The following PSMD1 variants were observed in gnomAD, a reference collection of about 807,000 sequenced individuals.
PSMD1 encodes the protein 26S proteasome non-ATPase regulatory subunit 1.
PSMD1 carries 18 observed loss-of-function variants against 119.0 expected under a neutral mutation model. The observed-to-expected ratio is 0.15, with a 90% confidence interval of 0.10 to 0.22. PSMD1 has a LOEUF of 0.22. PSMD1 is among the 10% of genes least tolerant of loss of function. The pLI is 1.00. For synonymous variants in PSMD1, 374 were observed against 396.6 expected (o/e 0.94, Z 0.68); for missense variants, 702 against 1,158.5 (o/e 0.61, Z 5.72).
At position 231,145,935 on chromosome 2, in the gene PSMD1, A is replaced by G. The variant is rs542945364; in HGVS notation, c.1999-305A>G. On this transcript the variant is annotated intron_variant, in intron 17 of 24. Coordinates refer to ENST00000308696, the MANE Select transcript of PSMD1 (RefSeq NM_002807.4). ...AAAAAAAAAAAAATTGTACCATTGTACAAAAATATTTTTTCTTTATGTTCT... is the reference window on the plus strand; with the variant it reads ...AAAAAAAAAAAAATTGTACCATTGTGCAAAAATATTTTTTCTTTATGTTCT... Among the ~76,000 whole-genome samples the G allele has an allele frequency of 1.3e-3, 192 of 150,064 alleles. 1 individual carries two copies. Among genetic ancestry groups the G allele is most frequent in the African/African-American group, 4.4e-3 (179 of 40,940 alleles).
chr2:231,094,117 T>C (rs1694667525), intron 16 of PSMD1, among the ~76,000 whole-genome samples: 1 of 152,126 alleles, frequency 6.6e-6, no homozygotes, highest in Non-Finnish European at 1.5e-5. Context: ...TCTAGTCCTC[T>C]AGGGTTAACA....
intron 15 of PSMD1, among the ~76,000 whole-genome samples, chr2:231,085,595 G>A (rs1439477374): frequency 6.6e-6 from 1 of 152,270 alleles, no homozygotes. Flanking sequence ...CCGCACTCTA[G>A]CCTGTGCGAC....
In PSMD1 at chr2:231,170,554, CTG is replaced by C; in HGVS notation, c.2716-8_2716-7del. On this transcript the variant is annotated splice_polypyrimidine_tract_variant and intron_variant, in intron 23 of 24. Coordinates refer to ENST00000308696, the MANE Select transcript of PSMD1 (RefSeq NM_002807.4). The surrounding 1 kb of genome is among the most constrained non-coding windows in gnomAD (Gnocchi z 4.1). ...TATGAGTGTACGCTTCTGCACGCCC[CTG>C]TGTTTCCAGCTCTCTATTGGAGGCA... 6.2e-7 allele frequency: 1 copy of C among 1,605,466 alleles called. No homozygotes were observed. The highest frequency in any genetic ancestry group is 8.5e-7 in the Non-Finnish European group (1 of 1,176,804).
At chr2:231,088,884 A>G (rs929137883) in intron 16 of PSMD1, among the ~76,000 whole-genome samples, 5 of 152,240 alleles carry the variant, frequency 3.3e-5, no homozygotes, top group African/African-American at 2.4e-5. Context: ...GGCCTCTTGC[A>G]TCACAGATAG....
At chr2:231,169,639 T>C (rs1217823493) in intron 23 of PSMD1, among the ~76,000 whole-genome samples, 1 of 152,228 alleles carries the variant, frequency 6.6e-6, no homozygotes, top group Non-Finnish European at 1.5e-5. Context: ...GTGAATCATT[T>C]AACTAATGTA....
intron 20 of PSMD1, 72 bp from the exon 21 acceptor site, chr2:231,163,563 C>T (rs1048842995): frequency 2.4e-5 from 28 of 1,178,620 alleles, no homozygotes; most frequent in Admixed American, 1.2e-4. Flanking sequence ...CTTTGGTCTC[C>T]TTTTGTATCC....
intron 16 of PSMD1, among the ~76,000 whole-genome samples, chr2:231,090,294 G>A (rs1574720817): frequency 6.6e-6 from 1 of 152,204 alleles, no homozygotes; most frequent in African/African-American, 2.4e-5. Context: ...TGTAATCCCA[G>A]CACTTTGGGA....
chr2:231,148,967 A>G (rs1389043816), intron 18 of PSMD1, among the ~76,000 whole-genome samples: 1 of 152,248 alleles, frequency 6.6e-6, no homozygotes, highest in Non-Finnish European at 1.5e-5. Flanking sequence ...TAAAGTGGAA[A>G]TGGCTCAAAA....
intron 13 of PSMD1, 22 bp from the exon 14 acceptor site, chr2:231,083,545 C>T: frequency 6.2e-7 from 1 of 1,613,106 alleles, no homozygotes; most frequent in Non-Finnish European, 8.5e-7. Context: ...TCTCTGTTAA[C>T]ATTTTACTCG....
At chr2:231,102,968 A>G (rs1223560980) in intron 16 of PSMD1, among the ~76,000 whole-genome samples, 1 of 152,344 alleles carries the variant, frequency 6.6e-6, no homozygotes, top group Admixed American at 6.5e-5. Flanking sequence ...GATGAGTCAT[A>G]CGTCTTATGT....
In PSMD1 at chr2:231,170,024, C is replaced by T. The variant is rs532393294; in HGVS notation, c.2716-542C>T. Among the ~76,000 whole-genome samples the T allele has an allele frequency of 2.8e-4, 43 of 152,170 alleles. No homozygotes were observed. Among genetic ancestry groups the T allele is most frequent in the Non-Finnish European group, 5.4e-4 (37 of 68,042 alleles). ...AGAAAAAATTGGCTTTTAATTTATA[C>T]ACTCTCGTGTTCAAAATGATTATCA... On this transcript the variant is annotated intron_variant, in intron 23 of 24. Transcript: ENST00000308696. The surrounding 1 kb of genome is among the most constrained non-coding windows in gnomAD (Gnocchi z 4.1).
At chr2:231,124,140 A>G (rs912907958) in intron 16 of PSMD1, 1 of 241,572 alleles carries the variant, frequency 4.1e-6, no homozygotes. Flanking sequence ...CCTAGATACA[A>G]AATACATAGA....
At chr2:231,086,101 C>T (rs1694432188) in intron 15 of PSMD1, among the ~76,000 whole-genome samples, 1 of 151,806 alleles carries the variant, frequency 6.6e-6, no homozygotes, top group Non-Finnish European at 1.5e-5. Context: ...AGCGCAGTAG[C>T]ACAATCACAG....
At chr2:231,166,294 A>G (rs1341629523) in intron 23 of PSMD1, among the ~76,000 whole-genome samples, 1 of 152,206 alleles carries the variant, frequency 6.6e-6, no homozygotes, top group African/African-American at 2.4e-5. Flanking sequence ...TATAGACTCT[A>G]CAGCCAAGCA....
At chr2:231,083,438 T>TA (rs1694361682) in intron 13 of PSMD1, 129 bp from the exon 14 acceptor site, 1 of 952,294 alleles carries the variant, frequency 1.1e-6, no homozygotes, top group Non-Finnish European at 1.6e-6. Flanking sequence ...CCAGGTGGTT[T>TA]AAAAAAATGC....
In PSMD1 at chr2:231,172,353, T is replaced by C. The variant is rs542116060; in HGVS notation, c.*10-182T>C. ...TGTTAGTTTTCAAAGGGGTAAAATA[T>C]TCAGTCCATTAGGAGTTTGGAAACT... is the stretch of plus-strand genomic sequence containing the variant. On this transcript the variant is annotated intron_variant, in intron 24 of 24. Coordinates refer to ENST00000308696, the MANE Select transcript of PSMD1 (RefSeq NM_002807.4). Among the ~76,000 whole-genome samples the C allele has an allele frequency of 4.6e-4, 70 of 152,288 alleles. 1 individual carries two copies. The highest frequency in any genetic ancestry group is 1.5e-3 in the African/African-American group (64 of 41,550).
intron 5 of PSMD1, among the ~76,000 whole-genome samples, chr2:231,069,745 G>A (rs979011874): frequency 3.3e-5 from 5 of 152,090 alleles, no homozygotes; most frequent in African/African-American, 1.2e-4. Flanking sequence ...ATAATTAACA[G>A]CATCACTTTA....
At chr2:231,168,859 C>T (rs1696846768) in intron 23 of PSMD1, among the ~76,000 whole-genome samples, 1 of 152,214 alleles carries the variant, frequency 6.6e-6, no homozygotes, top group Non-Finnish European at 1.5e-5. Flanking sequence ...CCCCTACCCT[C>T]AGTGGCAAGG....
intron 9 of PSMD1, among the ~76,000 whole-genome samples, chr2:231,077,822 A>G (rs919777592): frequency 4.6e-5 from 7 of 152,244 alleles, no homozygotes; most frequent in African/African-American, 1.4e-4. Flanking sequence ...ATATTATTGA[A>G]TGATTAAACA....
Sources: gnomAD v4.1 joint callset for allele counts (sites outside exome capture counted in the v4.1 genomes callset) on GRCh38, gnomAD v4.1.1 for gene constraint, Gnocchi (gnomAD v3.1) non-coding constraint, MANE v1.5 for transcripts, NCBI Gene and HGNC (gene_info 2026-07-23, HGNC 2026-07-21) for gene names.